GALNTL6: variants seen among roughly 807,000 people sequenced by gnomAD.
GALNTL6 encodes the protein polypeptide N-acetylgalactosaminyltransferase like 6.
A neutral mutation model predicts 73.7 loss-of-function variants in GALNTL6; 46 were observed. That is an observed-to-expected ratio of 0.62 (90% CI 0.49 to 0.80). The LOEUF is 0.80. Ranked by LOEUF, GALNTL6 falls within the 30% of genes least tolerant of loss-of-function variation. GALNTL6 has a pLI of 0.00. For missense variants in GALNTL6, 604 were observed against 755.0 expected, an observed-to-expected ratio of 0.80 and a Z score of 2.34; for synonymous variants, 259 against 263.7, an observed-to-expected ratio of 0.98 and a Z score of 0.17.
chr4:172,634,063 A>G (rs1468208775), intron 5 of GALNTL6, among the ~76,000 whole-genome samples: 1 of 152,152 alleles, frequency 6.6e-6, no homozygotes, highest in Non-Finnish European at 1.5e-5. Flanking sequence ...AACTTATCTA[A>G]TGTAGCTCTC....
At chr4:171,981,036 C>CTCAA (rs1443576334) in intron 2 of GALNTL6, among the ~76,000 whole-genome samples, 1 of 152,184 alleles carries the variant, frequency 6.6e-6, no homozygotes, top group Non-Finnish European at 1.5e-5. Flanking sequence ...TGAGACAGAT[C>CTCAA]TCAATCAATT....
At chr4:172,938,312 G>A (rs567612094) in intron 9 of GALNTL6, among the ~76,000 whole-genome samples, 1 of 152,282 alleles carries the variant, frequency 6.6e-6, no homozygotes, top group African/African-American at 2.4e-5. Context: ...AGGTGGAGGA[G>A]GAGGGCTTCA....
chr4:172,977,765 C>T (rs893499836), intron 10 of GALNTL6, among the ~76,000 whole-genome samples: 3 of 151,998 alleles, frequency 2.0e-5, no homozygotes, highest in African/African-American at 7.2e-5. Context: ...CCTCTGGGTG[C>T]ACATGTGCAG....
At chr4:172,793,982 A>G (rs1227026723) in intron 5 of GALNTL6, among the ~76,000 whole-genome samples, 1 of 152,186 alleles carries the variant, frequency 6.6e-6, no homozygotes, top group African/African-American at 2.4e-5. Context: ...GCTTGGTAAA[A>G]AAATTTAAAT....
At chr4:172,063,115 C>T (rs1731258378) in intron 2 of GALNTL6, among the ~76,000 whole-genome samples, 1 of 152,144 alleles carries the variant, frequency 6.6e-6, no homozygotes, top group Admixed American at 6.6e-5. Context: ...CTGTGAAGTC[C>T]TTTTATGCAT....
intron 2 of GALNTL6, chr4:171,815,021 C>T: frequency 2.0e-6 from 1 of 493,586 alleles, no homozygotes; most frequent in Non-Finnish European, 3.6e-6. Flanking sequence ...GGTAACTGTT[C>T]AGCTATGGAG....
intron 5 of GALNTL6, among the ~76,000 whole-genome samples, chr4:172,765,597 C>T (rs923841460): frequency 5.3e-5 from 8 of 152,108 alleles, no homozygotes; most frequent in African/African-American, 1.7e-4. Context: ...ACTGTAAAAT[C>T]TGATTACATG....
intron 5 of GALNTL6, among the ~76,000 whole-genome samples, chr4:172,351,390 A>C (rs1261569057): frequency 6.6e-6 from 1 of 152,178 alleles, no homozygotes; most frequent in Non-Finnish European, 1.5e-5. Context: ...ATTGAAGTAA[A>C]ATAAAATTCT....
chr4:171,933,557 C>T (rs1053126079), intron 2 of GALNTL6, among the ~76,000 whole-genome samples: 8 of 152,012 alleles, frequency 5.3e-5, no homozygotes, highest in African/African-American at 1.9e-4. Context: ...AGGCACTATG[C>T]TAGATAGATA....
At chr4:173,032,115 T>C (rs1387676037) in intron 12 of GALNTL6, among the ~76,000 whole-genome samples, 3 of 152,126 alleles carry the variant, frequency 2.0e-5, no homozygotes, top group Non-Finnish European at 4.4e-5. Context: ...GAAAATGAAC[T>C]ATTAGGTTGG....
At chr4:172,081,003 T>C (rs540133116) in intron 2 of GALNTL6, among the ~76,000 whole-genome samples, 1 of 152,286 alleles carries the variant, frequency 6.6e-6, no homozygotes, top group Non-Finnish European at 1.5e-5. Context: ...ATGGCAGCCA[T>C]TATTTGTAAT....
At chr4:172,965,359 G>A (rs1750273825) in intron 10 of GALNTL6, among the ~76,000 whole-genome samples, 1 of 152,186 alleles carries the variant, frequency 6.6e-6, no homozygotes. Context: ...GGCTGAGGCA[G>A]GAGGATCACA....
chr4:172,468,174 G>A (rs1239776756), intron 5 of GALNTL6, among the ~76,000 whole-genome samples: 1 of 152,118 alleles, frequency 6.6e-6, no homozygotes, highest in Non-Finnish European at 1.5e-5. Context: ...TTACAGGCAT[G>A]AGCCACTGTA....
rs545852477 is a variant in GALNTL6, at chr4:172,676,118, A to G, written c.554-133243A>G. Among the ~76,000 whole-genome samples, 3 of 152,354 alleles carry G rather than the reference A, an allele frequency of 2.0e-5. No individual in the cohort carries two copies. In the East Asian group the frequency reaches 5.8e-4, roughly 29 times the overall value. On this transcript the variant is annotated intron_variant, in intron 5 of 12. Transcript: ENST00000506823. ...CCAAGAGGCTCATTTTTGGCTAAAA[A>G]TATGTCATGGTCTGATGCTTTTAAA...
At chr4:171,958,421 T>C (rs538398970) in intron 2 of GALNTL6, among the ~76,000 whole-genome samples, 1 of 152,278 alleles carries the variant, frequency 6.6e-6, no homozygotes, top group Admixed American at 6.5e-5. Context: ...AAGGAAAATG[T>C]TTACAAATGG....
intron 3 of GALNTL6, among the ~76,000 whole-genome samples, chr4:172,234,087 A>C (rs2064530597): frequency 1.3e-5 from 2 of 152,086 alleles, no homozygotes; most frequent in African/African-American, 2.4e-5. Context: ...AACTCTTAAC[A>C]CTGATATGAA....
chr4:172,850,811 C>T (rs1398935869), intron 7 of GALNTL6, among the ~76,000 whole-genome samples: 2 of 152,230 alleles, frequency 1.3e-5, no homozygotes, highest in African/African-American at 2.4e-5. Context: ...GAAAGATTTT[C>T]CCTATGTTTA....
intron 2 of GALNTL6, among the ~76,000 whole-genome samples, chr4:171,836,274 C>G (rs1458287833): frequency 1.3e-5 from 2 of 152,088 alleles, no homozygotes; most frequent in South Asian, 2.1e-4. Flanking sequence ...CTACTTCACA[C>G]TGCTTCCAAC....
At chr4:172,533,261 C>T (rs13127578) in intron 5 of GALNTL6, among the ~76,000 whole-genome samples, 22,291 of 148,704 alleles carry the variant, frequency 0.15, 1,922 homozygotes, top group Non-Finnish European at 0.21. Context: ...GATCCACCCA[C>T]GTCAGCATCC....
Sources: gnomAD v4.1 joint callset for allele counts (sites outside exome capture counted in the v4.1 genomes callset) on GRCh38, gnomAD v4.1.1 for gene constraint, MANE v1.5 for transcripts, NCBI Gene and HGNC (gene_info 2026-07-23, HGNC 2026-07-21) for gene names.